The following STK32B variants were observed in gnomAD, a reference collection of about 807,000 sequenced individuals.
STK32B encodes serine/threonine kinase 32B, also known as serine/threonine-protein kinase 32B.
In STK32B, 43 loss-of-function variants were observed where a neutral mutation model predicts 52.6. That is an observed-to-expected ratio of 0.82 (90% confidence interval 0.64 to 1.05). The LOEUF is 1.05. Ranked by LOEUF, STK32B falls within the 50% of genes least tolerant of loss-of-function variation. STK32B has a pLI of 0.00. For missense variants in STK32B, 621 were observed against 534.6 expected (o/e 1.16, Z -1.59); for synonymous variants, 238 against 204.3 (o/e 1.17, Z -1.41).
intron 4 of STK32B, among the ~76,000 whole-genome samples, chr4:5,340,794 TG>T (rs1438733394): frequency 1.3e-5 from 2 of 152,230 alleles, no homozygotes; most frequent in East Asian, 3.9e-4. Flanking sequence ...TATATGCACA[TG>T]GGGTATATGC....
intron 8 of STK32B, chr4:5,458,992 T>A (rs2109147289): frequency 6.6e-6 from 1 of 152,504 alleles, no homozygotes; most frequent in African/African-American, 2.4e-5. Flanking sequence ...CCCAAGTGAC[T>A]CAGAATCTGG....
chr4:5,205,392 G>GTT (rs531587443), intron 3 of STK32B, among the ~76,000 whole-genome samples: 168 of 152,204 alleles, frequency 1.1e-3, no homozygotes, highest in Admixed American at 1.9e-3. Flanking sequence ...ACTGTTTCTG[G>GTT]TTCTCTGAAG....
Position 5,176,603 on chromosome 4 carries a change from G to A in STK32B, c.260+8153G>A, listed in dbSNP as rs546305945. Among the ~76,000 whole-genome samples, 24 of 151,914 alleles carry A rather than the reference G, an allele frequency of 1.6e-4. No individual in the cohort carries two copies. The South Asian group carries it at 4.2e-3, about 26-fold the overall frequency. On this transcript the variant is annotated intron_variant, in intron 3 of 11. Coordinates refer to ENST00000282908, the MANE Select transcript of STK32B (RefSeq NM_018401.3). ...GGATTACAAGCGCCTGCCACCACAC[G>A]CAGTTAATTTTTGTGTTCTTAGTAA...
At chr4:5,353,386 A>C (rs1039746334) in intron 4 of STK32B, among the ~76,000 whole-genome samples, 2 of 152,040 alleles carry the variant, frequency 1.3e-5, no homozygotes, top group African/African-American at 4.8e-5. Flanking sequence ...AATGGAAATG[A>C]AAATAGACAA....
chr4:5,457,165 T>A (rs1716605555), intron 8 of STK32B, among the ~76,000 whole-genome samples: 1 of 151,412 alleles, frequency 6.6e-6, no homozygotes, highest in Admixed American at 6.6e-5. Flanking sequence ...GTCACTCTGC[T>A]ACGAGCTCCT....
At chr4:5,270,376 A>G (rs1727343985) in intron 3 of STK32B, among the ~76,000 whole-genome samples, 1 of 152,154 alleles carries the variant, frequency 6.6e-6, no homozygotes. Flanking sequence ...TAGTCTTTCC[A>G]TGTTCTTCTG....
chr4:5,303,421 C>T (rs886716477), intron 3 of STK32B, among the ~76,000 whole-genome samples: 1 of 152,078 alleles, frequency 6.6e-6, no homozygotes, highest in South Asian at 2.1e-4. Flanking sequence ...ATTTACACTT[C>T]TGTGATAATT....
chr4:5,247,460 G>T (rs1434185271), intron 3 of STK32B, among the ~76,000 whole-genome samples: 2 of 152,028 alleles, frequency 1.3e-5, no homozygotes, highest in African/African-American at 4.8e-5. Context: ...GATTTTCCAG[G>T]TGCCGTCTGT....
intron 2 of STK32B, 72 bp from the exon 3 acceptor site, chr4:5,168,226 CG>C (rs1719040436): frequency 6.5e-7 from 1 of 1,535,842 alleles, no homozygotes; most frequent in Non-Finnish European, 8.8e-7. Context: ...AAATGCAGTG[CG>C]GGGTGACATT....
chr4:5,459,182 C>T (rs970541566), intron 8 of STK32B, among the ~76,000 whole-genome samples: 8 of 152,182 alleles, frequency 5.3e-5, no homozygotes, highest in Admixed American at 4.6e-4. Context: ...GCTGTGACTG[C>T]AGCCACTCAA....
chr4:5,054,977 G>A (rs529291101), intron 1 of STK32B, among the ~76,000 whole-genome samples: 1 of 152,250 alleles, frequency 6.6e-6, no homozygotes, highest in South Asian at 2.1e-4. Flanking sequence ...TTTTTTCCAA[G>A]TGTTGCATAA....
chr4:5,357,040 C>T (rs62297287), intron 4 of STK32B, among the ~76,000 whole-genome samples: 3,210 of 148,608 alleles, frequency 0.022, 210 homozygotes, highest in Admixed American at 0.14. Flanking sequence ...CACACACACA[C>T]ATATATACAC....
chr4:5,209,333 C>CA (rs2108784234), intron 3 of STK32B, among the ~76,000 whole-genome samples: 1 of 152,288 alleles, frequency 6.6e-6, no homozygotes, highest in South Asian at 2.1e-4. Context: ...GTAATCCTCC[C>CA]ACCTCAGTCT....
chr4:5,165,789 G>A (rs1488839275), intron 2 of STK32B, among the ~76,000 whole-genome samples: 2 of 152,272 alleles, frequency 1.3e-5, no homozygotes, highest in South Asian at 2.1e-4. Flanking sequence ...TTCACTACTG[G>A]AAATGGGTGT....
At chr4:5,392,944 A>T (rs1560376979) in intron 4 of STK32B, among the ~76,000 whole-genome samples, 1 of 152,232 alleles carries the variant, frequency 6.6e-6, no homozygotes, top group Non-Finnish European at 1.5e-5. Context: ...GTCCACAGGA[A>T]GCAGGAGACA....
intron 1 of STK32B, among the ~76,000 whole-genome samples, chr4:5,105,407 A>G (rs1714043807): frequency 6.6e-6 from 1 of 152,102 alleles, no homozygotes. Context: ...CGAAATACCT[A>G]TTTAGTCTCT....
At chr4:5,300,252 CAACT>C (rs1388098267) in intron 3 of STK32B, among the ~76,000 whole-genome samples, 1 of 152,124 alleles carries the variant, frequency 6.6e-6, no homozygotes, top group Non-Finnish European at 1.5e-5. Flanking sequence ...TAAAAACCCT[CAACT>C]AACTAGCCAT....
At chr4:5,392,576 T>C (rs1478542135) in intron 4 of STK32B, among the ~76,000 whole-genome samples, 1 of 152,158 alleles carries the variant, frequency 6.6e-6, no homozygotes, top group African/African-American at 2.4e-5. Flanking sequence ...AGAGAGAACA[T>C]TGATCTAGAG....
intron 3 of STK32B, among the ~76,000 whole-genome samples, chr4:5,258,804 C>A (rs1726508928): frequency 6.6e-6 from 1 of 152,142 alleles, no homozygotes; most frequent in East Asian, 1.9e-4. Flanking sequence ...GCAGGGGATC[C>A]TATTAAAACC....
Sources: gnomAD v4.1 joint callset for allele counts (sites outside exome capture counted in the v4.1 genomes callset) on GRCh38, gnomAD v4.1.1 for gene constraint, MANE v1.5 for transcripts, NCBI Gene and HGNC (gene_info 2026-07-23, HGNC 2026-07-21) for gene names.